ZP2: variants seen among roughly 807,000 people sequenced by gnomAD.
ZP2 encodes the protein zona pellucida glycoprotein 2.
In ZP2, 51 loss-of-function variants were observed where a neutral mutation model predicts 84.0. The ratio of observed to expected loss-of-function variants is 0.61; its 90% CI spans 0.49 to 0.77. The LOEUF is 0.77. ZP2 is among the 30% of genes least tolerant of loss of function. The pLI is 0.00. For synonymous variants in ZP2, 375 were observed against 330.9 expected (o/e 1.13, Z -1.45); for missense variants, 909 against 911.9 (o/e 1.00, Z 0.04).
Position 21,205,715 on chromosome 16 carries a change from A to T in ZP2, c.528+16T>A. The T allele has an allele frequency of 6.2e-7, 1 of 1,614,042 alleles. No individual in the cohort carries two copies. The highest frequency in any genetic ancestry group is 8.5e-7 in the Non-Finnish European group (1 of 1,179,972). On this transcript the variant is annotated intron_variant, in intron 6 of 18. Coordinates refer to ENST00000574091, the MANE Select transcript of ZP2 (RefSeq NM_001376232.1). ...TAAAGGTTATTAAGGTCTGATTTTTAAAATTTGCTTCATACCTTACTGTCG... is the reference window on the plus strand; with the variant it reads ...TAAAGGTTATTAAGGTCTGATTTTTTAAATTTGCTTCATACCTTACTGTCG...
chr16:21,207,686 A>G (rs1169047099), intron 4 of ZP2, among the ~76,000 whole-genome samples: 2 of 147,832 alleles, frequency 1.4e-5, no homozygotes, highest in Non-Finnish European at 1.5e-5. Flanking sequence ...ACACACCACA[A>G]AAGTTAGCTG....
rs747521391 is a variant in ZP2 at position 21,198,849 on chromosome 16, A to G, written c.1941T>C (p.Thr647=). Residue 647 remains threonine, a synonymous_variant, in exon 17 of 19, where the codon ACT becomes ACC. Transcript: ENST00000574091. ...GGCTGACTGTCATTTTCTCTGCTTC[A>G]GTGGCCCCTGTGGCTGGAGACAGAT... The part of the protein sequence containing the change: ...SSRHRRATGA[T]EAEKMTVSLP... The G allele has an allele frequency of 6.2e-7, 1 of 1,613,958 alleles. No homozygotes were observed. Among genetic ancestry groups the G allele is most frequent in the South Asian group, 1.1e-5 (1 of 91,016 alleles).
chr16:21,209,493 G>T, intron 4 of ZP2, 138 bp downstream of exon 4: 2 of 670,148 alleles, frequency 3.0e-6, no homozygotes, highest in East Asian at 5.6e-5. Flanking sequence ...TAGAAAAGAA[G>T]AGCCACACAC....
chr16:21,210,279 G>A, intron 2 of ZP2, 87 bp from the exon 3 acceptor site: 1 of 1,067,830 alleles, frequency 9.4e-7, no homozygotes, highest in Non-Finnish European at 1.4e-6. Context: ...CAGATGGGAG[G>A]GATTCCAGAT....
At chr16:21,203,473 G>T (rs1025546907) in intron 9 of ZP2, among the ~76,000 whole-genome samples, 2 of 152,174 alleles carry the variant, frequency 1.3e-5, no homozygotes, top group Non-Finnish European at 2.9e-5. Context: ...ACCCAGCACT[G>T]TACTCTTTGT....
chr16:21,204,926 T>A (rs1176367211), intron 7 of ZP2, among the ~76,000 whole-genome samples: 2 of 152,316 alleles, frequency 1.3e-5, no homozygotes, highest in Admixed American at 6.5e-5. Context: ...TTCAGGAATA[T>A]GCTTGTTCTG....
chr16:21,207,625 A>G (rs1416542741), intron 4 of ZP2, among the ~76,000 whole-genome samples: 1 of 147,304 alleles, frequency 6.8e-6, no homozygotes, highest in Non-Finnish European at 1.5e-5. Context: ...CCATCTCTAT[A>G]TATATATTAA....
In ZP2 at chr16:21,211,454, T is replaced by G. The variant is rs1209622698; in HGVS notation, c.62+32A>C. On this transcript the variant is annotated intron_variant, in intron 1 of 18. Transcript: ENST00000574091. Reference sequence around the variant, plus strand: ...TGGACTTTAACAAACAAAGCTACCATACCCCCTCCCTCCACTTCCAGAATT... The same window carrying G: ...TGGACTTTAACAAACAAAGCTACCAGACCCCCTCCCTCCACTTCCAGAATT... 2.5e-6 allele frequency: 4 copies of G among 1,613,868 alleles called. No homozygotes were observed. The Admixed American group carries it at 6.7e-5, about 27-fold the overall frequency.
rs2093234171 is a variant in ZP2 at position 21,203,186 on chromosome 16, C to A, written c.1038G>T (p.Arg346=). The A allele has an allele frequency of 1.9e-6, 3 of 1,613,606 alleles. No individual in the cohort carries two copies. The highest frequency in any genetic ancestry group is 1.3e-5 in the African/African-American group (1 of 74,820). Residue 346 remains arginine (R), a synonymous_variant, in exon 10 of 19, where the codon CGG becomes CGT. Transcript: ENST00000574091. The part of the protein sequence containing the change: ...LASLKLTFLL[R]PETVSMVIYP... ...AGATCACCATGGATACTGTCTCTGGCCGAAGGAGAAAGGTCAGCTTGAGTG... is the reference window on the plus strand; with the variant it reads ...AGATCACCATGGATACTGTCTCTGGACGAAGGAGAAAGGTCAGCTTGAGTG...
chr16:21,201,491 A>T lies in ZP2; in HGVS notation c.1572T>A (p.Ile524=). 1.2e-6 allele frequency: 2 copies of T among 1,613,728 alleles called. No individual in the cohort carries two copies. The highest frequency in any genetic ancestry group is 8.5e-7 in the Non-Finnish European group (1 of 1,179,894). The change falls in exon 14 of 19, where the codon ATT becomes ATA. Residue 524 remains isoleucine (I), a synonymous_variant. Coordinates refer to ENST00000574091, the MANE Select transcript of ZP2 (RefSeq NM_001376232.1). ...YPLVRFLRQP[I]YMEVRVLNRD... is the part of the protein sequence containing the mutation. ...TGTTTAGGACTCTCACTTCCATGTA[A>T]ATTGGTTGGCGGAGGAATCTCACTA...
In ZP2 at chr16:21,199,640, G is replaced by A; in HGVS notation, c.1857C>T (p.Ile619=). The A allele has an allele frequency of 1.2e-6, 2 of 1,610,272 alleles. No individual in the cohort carries two copies. Among genetic ancestry groups the A allele is most frequent in the Non-Finnish European group, 1.7e-6 (2 of 1,176,958 alleles). ...SLVYFHCSAL[I]CNRLSPDSPL... ...GGGAGTCAGGGGAGAGTCGATTACA[G>A]ATTAAGGCACTGCAGTGGAAGTAGA... The change falls in exon 16 of 19, where the codon ATC becomes ATT. Residue 619 remains isoleucine, a synonymous_variant. Coordinates refer to ENST00000574091, the MANE Select transcript of ZP2 (RefSeq NM_001376232.1).
rs1295185146 is a variant in ZP2 at position 21,199,622 on chromosome 16, A to G, written c.1875T>C (p.Pro625=). Residue 625 remains proline, a synonymous_variant, in exon 16 of 19, where the codon CCT becomes CCC. Transcript: ENST00000574091. ...AGGTCACAGAACACAGTGGGGAGTC[A>G]GGGGAGAGTCGATTACAGATTAAGG... is the stretch of plus-strand genomic sequence containing the variant. ...CSALICNRLS[P]DSPLCSVTCP... is the part of the protein sequence containing the mutation. 1.2e-6 allele frequency: 2 copies of G among 1,613,818 alleles called. No homozygotes were observed. The highest frequency in any genetic ancestry group is 2.2e-5 in the South Asian group (2 of 90,960).
chr16:21,201,473 G>A lies in ZP2; in HGVS notation c.1590C>T (p.Val530=), dbSNP rs1381158010. 1.2e-6 allele frequency: 2 copies of A among 1,613,820 alleles called. No individual in the cohort carries two copies. Among genetic ancestry groups the A allele is most frequent in the Middle Eastern group, 1.7e-4 (1 of 6,056 alleles). The change falls in exon 14 of 19, where the codon GTC becomes GTT. Residue 530 remains valine, a synonymous_variant. Transcript: ENST00000574091. ...LRQPIYMEVR[V]LNRDDPNIKL... The stretch of plus-strand genomic sequence containing the variant: ...TGATGTTGGGGTCATCCCTGTTTAG[G>A]ACTCTCACTTCCATGTAAATTGGTT...
At position 21,211,338 on chromosome 16, in the gene ZP2, A is replaced by G. The variant is rs1459352885; in HGVS notation, c.120T>C (p.Asp40=). The change falls in exon 2 of 19, where the codon GAT becomes GAC. Residue 40 remains aspartate, a synonymous_variant. Coordinates refer to ENST00000574091, the MANE Select transcript of ZP2 (RefSeq NM_001376232.1). ...FALVTSGNSI[D]VSQLVNPAFP... ...AGGCAGGATTTACCAACTGAGAAACATCTATGGAGTTCCCTGAAGTCACAA... is the reference window on the plus strand; with the variant it reads ...AGGCAGGATTTACCAACTGAGAAACGTCTATGGAGTTCCCTGAAGTCACAA... The G allele has an allele frequency of 6.2e-7, 1 of 1,614,052 alleles. No individual in the cohort carries two copies. The highest frequency in any genetic ancestry group is 8.5e-7 in the Non-Finnish European group (1 of 1,180,028).
At position 21,205,776 on chromosome 16, in the gene ZP2, CTG is replaced by C. The variant is rs775096157; in HGVS notation, c.484-3_484-2del. The C allele has an allele frequency of 2.5e-6, 4 of 1,613,874 alleles. No homozygotes were observed. The highest frequency in any genetic ancestry group is 3.4e-6 in the Non-Finnish European group (4 of 1,179,896). Reference sequence around the variant, plus strand: ...CAGAGAAGACCCGTGGCAAGGAAAACTGGAAGAAAAGAATTGTGATGTAAGAC... The same window carrying C: ...CAGAGAAGACCCGTGGCAAGGAAAACGAAGAAAAGAATTGTGATGTAAGAC... On this transcript the variant is annotated splice_acceptor_variant and splice_polypyrimidine_tract_variant and intron_variant, in intron 5 of 18. Transcript: ENST00000574091. LOFTEE classifies it high-confidence loss of function.
At chr16:21,203,358 C>T (rs2093235131) in intron 9 of ZP2, 107 bp from the exon 10 acceptor site, 4 of 1,443,044 alleles carry the variant, frequency 2.8e-6, no homozygotes, top group Non-Finnish European at 1.9e-6. Context: ...ACACTCCAGA[C>T]TTATCTGGGC....
At chr16:21,201,300 G>T in intron 14 of ZP2, 69 bp downstream of exon 14, 3 of 1,404,606 alleles carry the variant, frequency 2.1e-6, no homozygotes, top group Non-Finnish European at 1.9e-6. Flanking sequence ...AGCCCAAGAG[G>T]GTTTATTCCC....
chr16:21,206,878 C>T lies in ZP2; in HGVS notation c.443G>A (p.Gly148Glu). The change falls in exon 5 of 19, where the codon GGG becomes GAG. Residue 148 changes from glycine to glutamate, a missense_variant. Transcript: ENST00000574091. ...CPAMQVEETQ[G>E]LSASTICQKD... ...CTGGCAGATTGTAGATGCTGAAAGC[C>T]CCTGGGTCTCTTCTACTTGCATAGC... is the stretch of plus-strand genomic sequence containing the variant. The T allele has an allele frequency of 6.8e-6, 11 of 1,614,088 alleles. No individual in the cohort carries two copies. Among genetic ancestry groups the T allele is most frequent in the Non-Finnish European group, 9.3e-6 (11 of 1,180,018 alleles).
intron 17 of ZP2, among the ~76,000 whole-genome samples, chr16:21,198,419 A>C (rs1031900598): frequency 1.3e-5 from 2 of 152,186 alleles, no homozygotes; most frequent in Non-Finnish European, 2.9e-5. Flanking sequence ...GAAGGATTCT[A>C]GTATGGACTG....
Sources: allele counts gnomAD v4.1 joint callset (sites outside exome capture counted in the v4.1 genomes callset), GRCh38; gene constraint gnomAD v4.1.1; transcripts MANE v1.5; gene names NCBI Gene and HGNC (gene_info 2026-07-23, HGNC 2026-07-21).